The following LCA5 variants were observed in gnomAD, a reference collection of about 807,000 sequenced individuals.
LCA5 encodes the protein lebercilin.
LCA5 carries 37 observed loss-of-function variants against 53.0 expected under a neutral mutation model. That is an observed-to-expected ratio of 0.70 (90% CI 0.54 to 0.92). LCA5 has a LOEUF of 0.92. Among genes scored for constraint, LCA5 ranks in the 40% least tolerant of loss-of-function variants. LCA5 has a pLI of 0.00. For synonymous variants in LCA5, 303 were observed against 282.9 expected, an observed-to-expected ratio of 1.07 and a Z score of -0.71; for missense variants, 806 against 790.5, an observed-to-expected ratio of 1.02 and a Z score of -0.23.
chr6:79,494,924 A>T (rs1017284757), intron 3 of LCA5, among the ~76,000 whole-genome samples: 7 of 152,210 alleles, frequency 4.6e-5, no homozygotes, highest in African/African-American at 1.7e-4. Flanking sequence ...CATTAAGCAA[A>T]TGAAAAGATA....
At chr6:79,530,119 T>C (rs1021549144) in intron 1 of LCA5, among the ~76,000 whole-genome samples, 5 of 151,922 alleles carry the variant, frequency 3.3e-5, no homozygotes, top group Non-Finnish European at 7.4e-5. Flanking sequence ...AATATATATA[T>C]ATAAACAAGA....
intron 2 of LCA5, among the ~76,000 whole-genome samples, chr6:79,517,316 G>T (rs1298856543): frequency 6.6e-6 from 1 of 152,052 alleles, no homozygotes; most frequent in Admixed American, 6.6e-5. Flanking sequence ...AATAAGGTAA[G>T]GCTTACAAAG....
chr6:79,534,163 A>G (rs1338102068), intron 1 of LCA5, among the ~76,000 whole-genome samples: 37 of 151,210 alleles, frequency 2.4e-4, no homozygotes, highest in Non-Finnish European at 1.5e-5. Flanking sequence ...TTTCCTTATT[A>G]TACTACTTAT....
Position 79,513,523 on chromosome 6 carries a change from T to G in LCA5, c.409A>C (p.Lys137Gln). Residue 137 changes from lysine (K) to glutamine (Q), a missense_variant, in exon 3 of 8, where the codon AAA (lysine) becomes CAA (glutamine). Physicochemically the swap from Lys to Gln is moderately conservative, Grantham distance 53. Transcript: ENST00000369846. ...AELLKENKSL[K>Q]RLQYRQEKAL... is the part of the protein sequence containing the mutation. The stretch of plus-strand genomic sequence containing the variant: ...TTCTCCTGTCTGTACTGAAGCCTTT[T>G]CAAAGATTTATTTTCTTTTAGCAGC... 6.2e-7 allele frequency: 1 copy of G among 1,613,990 alleles called. No homozygotes were observed. Among genetic ancestry groups the G allele is most frequent in the Non-Finnish European group, 8.5e-7 (1 of 1,179,892 alleles).
intron 1 of LCA5, among the ~76,000 whole-genome samples, chr6:79,532,812 A>C (rs1766997106): frequency 6.6e-6 from 1 of 152,146 alleles, no homozygotes. Context: ...TAAATATAAG[A>C]CCCGTGAGAC....
intron 5 of LCA5, 39 bp downstream of exon 5, chr6:79,492,512 G>A (rs45529442): frequency 2.1e-6 from 2 of 934,432 alleles, no homozygotes; most frequent in Non-Finnish European, 3.4e-6. Context: ...CTAAATAATA[G>A]CAATAATATC....
At position 79,515,970 on chromosome 6, in the gene LCA5, G is replaced by T. The variant is rs529233037; in HGVS notation, c.191-2229C>A. ...ACAGCTATTGAGAAGCTTGACAAGT[G>T]GGTAGCCCAAACTGGGATATGCTAT... is the stretch of plus-strand genomic sequence containing the variant. On this transcript the variant is annotated intron_variant, in intron 2 of 7. Coordinates refer to ENST00000369846, the MANE Select transcript of LCA5 (RefSeq NM_001122769.3). Among the ~76,000 whole-genome samples, 39 of 152,054 alleles carry T rather than the reference G, an allele frequency of 2.6e-4. 2 individuals are homozygous for T. In the South Asian group the frequency reaches 6.8e-3, roughly 27 times the overall value.
intron 1 of LCA5, among the ~76,000 whole-genome samples, chr6:79,536,956 C>G (rs1267576095): frequency 1.3e-5 from 2 of 152,144 alleles, no homozygotes; most frequent in Non-Finnish European, 2.9e-5. Context: ...TCTCAGAAGC[C>G]GAGCTCTTTA....
chr6:79,501,665 T>C (rs1202840564), intron 3 of LCA5, among the ~76,000 whole-genome samples: 1 of 151,102 alleles, frequency 6.6e-6, no homozygotes, highest in Non-Finnish European at 1.5e-5. Context: ...AATATAGTTA[T>C]ATACTATATT....
At chr6:79,490,876 T>C (rs1211641891) in intron 6 of LCA5, among the ~76,000 whole-genome samples, 1 of 152,076 alleles carries the variant, frequency 6.6e-6, no homozygotes, top group Non-Finnish European at 1.5e-5. Flanking sequence ...GATAAAACTC[T>C]CTTAGAGAAA....
intron 1 of LCA5, among the ~76,000 whole-genome samples, chr6:79,529,438 G>A (rs1766889109): frequency 6.6e-6 from 1 of 152,122 alleles, no homozygotes; most frequent in Admixed American, 6.5e-5. Context: ...CACAATAAGC[G>A]AACAGAATGT....
At chr6:79,490,564 C>A (rs914124938) in intron 6 of LCA5, among the ~76,000 whole-genome samples, 2 of 152,072 alleles carry the variant, frequency 1.3e-5, no homozygotes, top group Non-Finnish European at 2.9e-5. Context: ...CTTTGTTATT[C>A]CTCACTTTGT....
intron 3 of LCA5, among the ~76,000 whole-genome samples, chr6:79,504,561 G>A (rs570864690): frequency 1.8e-4 from 28 of 152,282 alleles, no homozygotes; most frequent in African/African-American, 2.9e-4. Flanking sequence ...GTTGGCCACC[G>A]GTCACTGGGT....
At position 79,513,593 on chromosome 6, in the gene LCA5, A is replaced by G; in HGVS notation, c.339T>C (p.Asn113=). 2 of 1,613,978 alleles carry G rather than the reference A, an allele frequency of 1.2e-6. No homozygotes were observed. The highest frequency in any genetic ancestry group is 1.7e-6 in the Non-Finnish European group (2 of 1,179,894). The change falls in exon 3 of 8, where the codon AAT becomes AAC. Residue 113 remains asparagine (N), a synonymous_variant. Transcript: ENST00000369846. ...RILSARLLKI[N]ELQNEVSELQ... is the part of the protein sequence containing the mutation. ...GTTCAGATACTTCATTCTGCAACTC[A>G]TTGATTTTTAGCAGTCTTGCAGACA... is the stretch of plus-strand genomic sequence containing the variant.
intron 3 of LCA5, among the ~76,000 whole-genome samples, chr6:79,494,990 C>T (rs575748501): frequency 3.6e-4 from 55 of 152,290 alleles, no homozygotes; most frequent in Non-Finnish European, 6.8e-4. Flanking sequence ...GCAGGGGTCC[C>T]CAACCCCTGG....
Position 79,491,595 on chromosome 6 carries a change from A to G in LCA5, c.1091T>C (p.Leu364Pro). Residue 364 changes from leucine to proline, a missense_variant, in exon 6 of 8, where the codon CTT becomes CCT. Physicochemically the swap from Leu to Pro is moderately conservative, Grantham distance 98. Coordinates refer to ENST00000369846, the MANE Select transcript of LCA5 (RefSeq NM_001122769.3). Reference sequence around the variant, plus strand: ...CAATACTGCTAAACTCACCAAAGTAAGATGTCCTGGTTCTTCCCATTTGTT... The same window carrying G: ...CAATACTGCTAAACTCACCAAAGTAGGATGTCCTGGTTCTTCCCATTTGTT... The part of the protein sequence containing the change: ...YENKWEEPGH[L>P]TLDLQSQKQD... The G allele has an allele frequency of 6.2e-7, 1 of 1,612,908 alleles. No homozygotes were observed. Among genetic ancestry groups the G allele is most frequent in the East Asian group, 2.2e-5 (1 of 44,790 alleles).
rs1769961835 is a variant in LCA5, at chr6:79,495,620, A to G, written c.721-1870T>C. ...CAAAAAATTAGCCAGGTGTGGTGGC[A>G]CGCGCCTGTAGTCCCAGCTACTCGG... On this transcript the variant is annotated intron_variant, in intron 3 of 7. Transcript: ENST00000369846. Among the ~76,000 whole-genome samples the G allele has an allele frequency of 5.9e-5, 9 of 151,958 alleles. No homozygotes were observed. The South Asian group carries it at 1.9e-3, about 32-fold the overall frequency.
At chr6:79,519,939 AAAAAGGCAACAT>A (rs1766578924) in intron 1 of LCA5, among the ~76,000 whole-genome samples, 1 of 152,106 alleles carries the variant, frequency 6.6e-6, no homozygotes, top group African/African-American at 2.4e-5. Context: ...ATAAGACTCC[AAAAAGGCAACAT>A]AAATTATTAA....
intron 3 of LCA5, among the ~76,000 whole-genome samples, chr6:79,508,081 A>G (rs1260677724): frequency 1.3e-5 from 2 of 152,198 alleles, no homozygotes; most frequent in East Asian, 3.8e-4. Context: ...ATAAAGGTAT[A>G]AAGTCAACTC....
Sources: allele counts gnomAD v4.1 joint callset (sites outside exome capture counted in the v4.1 genomes callset), GRCh38; gene constraint gnomAD v4.1.1; transcripts MANE v1.5; gene names NCBI Gene and HGNC (gene_info 2026-07-23, HGNC 2026-07-21).